Variants in NCAM2 observed in about 807,000 individuals in gnomAD.
NCAM2 encodes the protein neural cell adhesion molecule 2, also known as N-CAM-2.
NCAM2 carries 30 observed loss-of-function variants against 98.1 expected under a neutral mutation model. The ratio of observed to expected loss-of-function variants is 0.31; its 90% CI spans 0.23 to 0.41. The LOEUF is 0.41. Ranked by LOEUF, NCAM2 falls within the 10% of genes least tolerant of loss-of-function variation. The pLI, the probability that NCAM2 is intolerant of heterozygous loss-of-function variation, is 1.00. For synonymous variants in NCAM2, 368 were observed against 342.4 expected, an observed-to-expected ratio of 1.07 and a Z score of -0.83; for missense variants, 867 against 1,005.8, an observed-to-expected ratio of 0.86 and a Z score of 1.87.
intron 1 of NCAM2, among the ~76,000 whole-genome samples, chr21:21,105,451 C>G (rs1390736700): frequency 1.3e-5 from 2 of 151,920 alleles, no homozygotes; most frequent in Non-Finnish European, 2.9e-5. Flanking sequence ...AAAATGGAAG[C>G]AAGTTGAGAG....
intron 1 of NCAM2, among the ~76,000 whole-genome samples, chr21:21,010,771 TG>T (rs2064194877): frequency 1.3e-5 from 2 of 152,218 alleles, no homozygotes; most frequent in African/African-American, 4.8e-5. Context: ...GGATGTGTGA[TG>T]GAAGAAGATA....
chr21:21,461,937 G>A (rs1326476490), intron 12 of NCAM2, among the ~76,000 whole-genome samples: 3 of 151,978 alleles, frequency 2.0e-5, no homozygotes, highest in Non-Finnish European at 2.9e-5. Flanking sequence ...AATGTTCTGC[G>A]TGTGTATAGA....
intron 16 of NCAM2, among the ~76,000 whole-genome samples, chr21:21,528,069 T>C (rs1989425734): frequency 6.6e-6 from 1 of 152,210 alleles, no homozygotes; most frequent in Non-Finnish European, 1.5e-5. Flanking sequence ...AGATGATTAT[T>C]ACTAAGTGAA....
At chr21:21,159,286 T>A (rs1412258628) in intron 1 of NCAM2, among the ~76,000 whole-genome samples, 1 of 151,512 alleles carries the variant, frequency 6.6e-6, no homozygotes, top group Non-Finnish European at 1.5e-5. Flanking sequence ...AGTAAGCTAT[T>A]ATTTAAGAAA....
At position 21,284,148 on chromosome 21, in the gene NCAM2, T is replaced by C. The variant is rs745610198; in HGVS notation, c.131-46T>C. The stretch of plus-strand genomic sequence containing the variant: ...TAGTAAATGCCAATGTTCAAACAAA[T>C]ATTTTTAACAATTTTCAAACCTTTA... On this transcript the variant is annotated intron_variant, in intron 2 of 17. Coordinates refer to ENST00000400546, the MANE Select transcript of NCAM2 (RefSeq NM_004540.5). 4 of 1,470,306 alleles carry C rather than the reference T, an allele frequency of 2.7e-6. No individual in the cohort carries two copies. The Admixed American group carries it at 6.8e-5, about 25-fold the overall frequency. 91.1% of individuals were successfully genotyped at this position (1,470,306 alleles called of 1,614,324 possible).
Position 21,324,511 on chromosome 21 carries a change from C to T in NCAM2, c.737+11C>T, listed in dbSNP as rs2074460841. 1.9e-6 allele frequency: 3 copies of T among 1,546,064 alleles called. No individual in the cohort carries two copies. The highest frequency in any genetic ancestry group is 1.7e-5 in the Admixed American group (1 of 59,716). ...CATCTCCTGGTTCAGGTAGGTTATG[C>T]ACCCCCCTCCCTCTGGCTTGTGTCC... On this transcript the variant is annotated intron_variant, in intron 6 of 17. Transcript: ENST00000400546.
chr21:21,006,475 C>T (rs1171127358), intron 1 of NCAM2, among the ~76,000 whole-genome samples: 1 of 152,112 alleles, frequency 6.6e-6, no homozygotes, highest in Non-Finnish European at 1.5e-5. Context: ...CATCACTGCA[C>T]TCCAGCCTGG....
chr21:21,126,195 A>T (rs2066817844), intron 1 of NCAM2, among the ~76,000 whole-genome samples: 1 of 147,374 alleles, frequency 6.8e-6, no homozygotes, highest in South Asian at 2.2e-4. Flanking sequence ...AGGAGCCATG[A>T]GACCAGATCT....
intron 1 of NCAM2, among the ~76,000 whole-genome samples, chr21:21,155,968 C>T (rs981091492): frequency 4.0e-5 from 6 of 151,812 alleles, no homozygotes; most frequent in Non-Finnish European, 5.9e-5. Flanking sequence ...ACTATCATAC[C>T]CCTTCATTTT....
At chr21:21,120,811 C>T (rs1017163716) in intron 1 of NCAM2, among the ~76,000 whole-genome samples, 18 of 151,416 alleles carry the variant, frequency 1.2e-4, no homozygotes, top group African/African-American at 3.2e-4. Flanking sequence ...CTCTGCCTCC[C>T]GGGTTCAGTC....
At chr21:21,233,401 A>T (rs540202304) in intron 1 of NCAM2, among the ~76,000 whole-genome samples, 1 of 151,636 alleles carries the variant, frequency 6.6e-6, no homozygotes, top group South Asian at 2.1e-4. Flanking sequence ...ATATGATTTC[A>T]TTTTTTTATT....
intron 11 of NCAM2, among the ~76,000 whole-genome samples, chr21:21,429,517 A>T (rs2077284331): frequency 6.6e-6 from 1 of 152,154 alleles, no homozygotes; most frequent in African/African-American, 2.4e-5. Context: ...CTCAGCACAG[A>T]TTGAAGAATT....
intron 1 of NCAM2, among the ~76,000 whole-genome samples, chr21:21,224,216 G>A (rs9981800): frequency 0.01 from 1,536 of 152,204 alleles, 22 homozygotes; most frequent in African/African-American, 0.029. Context: ...ACATTTCCAC[G>A]CTTCTGTGAA....
chr21:21,355,516 A>G (rs1602085437), intron 8 of NCAM2, among the ~76,000 whole-genome samples: 1 of 85,960 alleles, frequency 1.2e-5, no homozygotes, highest in East Asian at 4.9e-4. Context: ...TAAGGGAGGG[A>G]GAGAGGGAGG....
At chr21:21,004,748 C>G (rs764631763) in intron 1 of NCAM2, among the ~76,000 whole-genome samples, 1 of 152,018 alleles carries the variant, frequency 6.6e-6, no homozygotes, top group Non-Finnish European at 1.5e-5. Context: ...TTATCATAAT[C>G]CTCTATTAGC....
chr21:21,303,789 A>C (rs570679085), intron 5 of NCAM2, among the ~76,000 whole-genome samples: 15 of 152,198 alleles, frequency 9.9e-5, no homozygotes, highest in African/African-American at 3.4e-4. Flanking sequence ...AACTTGACAT[A>C]CTCAGGACTT....
chr21:21,467,748 A>G (rs545165011), intron 13 of NCAM2, among the ~76,000 whole-genome samples: 1 of 119,012 alleles, frequency 8.4e-6, no homozygotes, highest in East Asian at 1.9e-4. Flanking sequence ...GCTACTTGGG[A>G]GGCTGAGGTG....
intron 1 of NCAM2, among the ~76,000 whole-genome samples, chr21:21,243,230 A>G (rs1016306545): frequency 2.0e-5 from 3 of 152,210 alleles, no homozygotes; most frequent in African/African-American, 4.8e-5. Flanking sequence ...CAGTATTTCT[A>G]TTAATAAAGA....
intron 1 of NCAM2, among the ~76,000 whole-genome samples, chr21:21,218,962 C>A (rs1189192484): frequency 6.6e-6 from 1 of 152,128 alleles, no homozygotes; most frequent in Non-Finnish European, 1.5e-5. Flanking sequence ...AGAATCACTT[C>A]AACTCGGGAG....
Sources: allele counts gnomAD v4.1 joint callset (sites outside exome capture counted in the v4.1 genomes callset), GRCh38; gene constraint gnomAD v4.1.1; transcripts MANE v1.5; gene names NCBI Gene and HGNC (gene_info 2026-07-23, HGNC 2026-07-21).